PRDM16: variants seen among roughly 807,000 people sequenced by gnomAD.
PRDM16 encodes histone-lysine N-methyltransferase PRDM16.
In PRDM16, 23 loss-of-function variants were observed where a neutral mutation model predicts 110.6. The ratio of observed to expected loss-of-function variants is 0.21; its 90% confidence interval spans 0.15 to 0.29. The LOEUF (loss-of-function observed/expected upper bound fraction) is 0.29. Ranked by LOEUF, PRDM16 falls within the 10% of genes least tolerant of loss-of-function variation. PRDM16 has a pLI of 1.00. For synonymous variants in PRDM16, 799 were observed against 781.8 expected, an observed-to-expected ratio of 1.02 and a Z score of -0.37; for missense variants, 1,615 against 1,794.3, an observed-to-expected ratio of 0.90 and a Z score of 1.81.
chr1:3,204,351 A>G (rs1399168374), intron 2 of PRDM16, among the ~76,000 whole-genome samples: 1 of 152,182 alleles, frequency 6.6e-6, no homozygotes, highest in Non-Finnish European at 1.5e-5. Flanking sequence ...ACTTTCAGAC[A>G]GAAAAAAAAA....
chr1:3,077,976 C>G (rs2788092), intron 1 of PRDM16, among the ~76,000 whole-genome samples: 25,700 of 152,248 alleles, frequency 0.17, 2,826 homozygotes, highest in Non-Finnish European at 0.25. Context: ...CTGGCCCCTG[C>G]CACATGCAGT....
At chr1:3,381,126 G>A (rs1281938946) in intron 3 of PRDM16, among the ~76,000 whole-genome samples, 3 of 152,180 alleles carry the variant, frequency 2.0e-5, no homozygotes, top group East Asian at 3.8e-4. Context: ...AAGGCTTCTC[G>A]CCGCGTTCCC....
At position 3,243,475 on chromosome 1, in the gene PRDM16, C is replaced by G. The variant is rs1347244143; in HGVS notation, c.388-612C>G. Among the ~76,000 whole-genome samples the G allele has an allele frequency of 6.6e-6, 1 of 152,154 alleles. No homozygotes were observed. Among genetic ancestry groups the G allele is most frequent in the African/African-American group, 2.4e-5 (1 of 41,448 alleles). ...CGCAGGGCGTTGGCCGACCTCTGCC[C>G]CTGCCTCTGGCCGCCCGCCGCTGTC... On this transcript the variant is annotated intron_variant, in intron 2 of 16. Transcript: ENST00000270722. This position sits in a 1 kb window ranked among gnomAD's most constrained non-coding sequence, Gnocchi z 5.5.
chr1:3,283,865 A>G (rs969658210), intron 3 of PRDM16, among the ~76,000 whole-genome samples: 12 of 152,236 alleles, frequency 7.9e-5, no homozygotes, highest in African/African-American at 2.7e-4. Context: ...CAAGCCTGCA[A>G]AGCTAAGAGG....
intron 2 of PRDM16, among the ~76,000 whole-genome samples, chr1:3,227,177 C>T (rs1221812096): frequency 2.6e-5 from 4 of 152,270 alleles, no homozygotes; most frequent in East Asian, 1.9e-4. Context: ...CCCTCATCCC[C>T]GGGCTGCTGG....
At chr1:3,093,994 G>A (rs1305697787) in intron 1 of PRDM16, among the ~76,000 whole-genome samples, 1 of 152,232 alleles carries the variant, frequency 6.6e-6, no homozygotes, top group Non-Finnish European at 1.5e-5. Context: ...CGATTCTGTG[G>A]TCAGGCTGCT....
At chr1:3,381,890 G>A (rs1240061268) in intron 3 of PRDM16, among the ~76,000 whole-genome samples, 1 of 152,252 alleles carries the variant, frequency 6.6e-6, no homozygotes, top group Non-Finnish European at 1.5e-5. Context: ...GGAAGAACCT[G>A]GCACCCAGGC....
Position 3,425,779 on chromosome 1 carries a change from A to G in PRDM16, c.3109+29A>G, listed in dbSNP as rs1370280682. On this transcript the variant is annotated intron_variant, in intron 13 of 16. Coordinates refer to ENST00000270722, the MANE Select transcript of PRDM16 (RefSeq NM_022114.4). This position sits in a 1 kb window ranked among gnomAD's most constrained non-coding sequence, Gnocchi z 6.9. ...GGCCACGCGGGGTGGGGCAGCCCCC[A>G]GAGCACCCACACGGGCAGGCCCCAC... The G allele has an allele frequency of 1.2e-6, 2 of 1,611,754 alleles. No homozygotes were observed. Among genetic ancestry groups the G allele is most frequent in the Admixed American group, 3.3e-5 (2 of 59,936 alleles).
At chr1:3,178,185 C>G (rs891359512) in intron 1 of PRDM16, among the ~76,000 whole-genome samples, 5 of 152,144 alleles carry the variant, frequency 3.3e-5, no homozygotes, top group African/African-American at 1.2e-4. Context: ...GGGTTTGGTC[C>G]CCTCACACCC....
intron 3 of PRDM16, among the ~76,000 whole-genome samples, chr1:3,355,396 C>A (rs1642574828): frequency 6.6e-6 from 1 of 152,172 alleles, no homozygotes; most frequent in South Asian, 2.1e-4. Context: ...TCCATTTCTT[C>A]AGCCTGGCGG....
At chr1:3,274,479 C>T (rs1452868405) in intron 3 of PRDM16, among the ~76,000 whole-genome samples, 2 of 152,156 alleles carry the variant, frequency 1.3e-5, no homozygotes, top group Non-Finnish European at 1.5e-5. Context: ...GGCTCTTAGC[C>T]GGCTGCGGAA....
At chr1:3,419,005 C>T (rs1638351576) in intron 12 of PRDM16, among the ~76,000 whole-genome samples, 1 of 152,126 alleles carries the variant, frequency 6.6e-6, no homozygotes, top group East Asian at 1.9e-4. Context: ...AGCAGCTCTC[C>T]ACCCACCCTA....
intron 1 of PRDM16, among the ~76,000 whole-genome samples, chr1:3,092,021 G>A (rs1642288519): frequency 6.6e-6 from 1 of 152,244 alleles, no homozygotes; most frequent in African/African-American, 2.4e-5. Flanking sequence ...GGGGACGCAG[G>A]TCCCCATGTA....
intron 3 of PRDM16, among the ~76,000 whole-genome samples, chr1:3,294,131 C>T (rs1425933440): frequency 1.3e-5 from 2 of 151,414 alleles, no homozygotes; most frequent in Non-Finnish European, 2.9e-5. Flanking sequence ...AACCTGCCTA[C>T]CAGGTAAACA....
At chr1:3,411,152 C>T (rs964773338) in intron 8 of PRDM16, among the ~76,000 whole-genome samples, 4 of 152,178 alleles carry the variant, frequency 2.6e-5, no homozygotes, top group Admixed American at 6.5e-5. Flanking sequence ...CGGACACTTA[C>T]GCACACAGAC....
intron 3 of PRDM16, among the ~76,000 whole-genome samples, chr1:3,311,548 A>G (rs983458075): frequency 6.6e-6 from 1 of 152,212 alleles, no homozygotes; most frequent in Non-Finnish European, 1.5e-5. Context: ...CACAGGCCCA[A>G]AACCAGCCAG....
rs566827195 is a variant in PRDM16, at chr1:3,069,221, G to A, written c.-39G>A. The A allele has an allele frequency of 6.4e-7, 1 of 1,573,136 alleles. No individual in the cohort carries two copies. Among genetic ancestry groups the A allele is most frequent in the African/African-American group, 1.4e-5 (1 of 72,806 alleles). On this transcript the variant is annotated 5_prime_UTR_variant, in exon 1 of 17. Transcript: ENST00000270722. The surrounding 1 kb of genome is among the most constrained non-coding windows in gnomAD (Gnocchi z 6.1). ...TGAAGATAGTGTGTGGCTGCTTCTG[G>A]ACTCAAGGAGGAGGAGAGAGATTCC...
At chr1:3,142,847 C>A (rs1327185728) in intron 1 of PRDM16, among the ~76,000 whole-genome samples, 1 of 152,210 alleles carries the variant, frequency 6.6e-6, no homozygotes, top group African/African-American at 2.4e-5. Flanking sequence ...GGCTGGGGCC[C>A]TGGTGTTACA....
At position 3,194,351 on chromosome 1, in the gene PRDM16, C is replaced by T. The variant is rs543681022; in HGVS notation, c.387+7877C>T. On this transcript the variant is annotated intron_variant, in intron 2 of 16. Coordinates refer to ENST00000270722, the MANE Select transcript of PRDM16 (RefSeq NM_022114.4). ...CCCCTTTCACCCTGGAGCTGAGCCC[C>T]GCCATAAGCCCTCCTTGCTGGCCTG... Among the ~76,000 whole-genome samples, 171 of 152,304 alleles carry T rather than the reference C, an allele frequency of 1.1e-3. No homozygotes were observed. In the South Asian group the frequency reaches 0.014, roughly 12 times the overall value.
Sources: gnomAD v4.1 joint callset for allele counts (sites outside exome capture counted in the v4.1 genomes callset) on GRCh38, gnomAD v4.1.1 for gene constraint, Gnocchi (gnomAD v3.1) non-coding constraint, MANE v1.5 for transcripts, NCBI Gene and HGNC (gene_info 2026-07-23, HGNC 2026-07-21) for gene names.